The following KALRN variants were observed in gnomAD, a reference collection of about 807,000 sequenced individuals.
The protein encoded by KALRN is kalirin.
KALRN carries 70 observed loss-of-function variants against 353.7 expected under a neutral mutation model. The observed-to-expected ratio is 0.20, with a 90% CI of 0.16 to 0.24. The LOEUF is 0.24. Ranked by LOEUF, KALRN falls within the 10% of genes least tolerant of loss-of-function variation. The pLI, the probability that KALRN is intolerant of heterozygous loss-of-function variation, is 1.00. For missense variants in KALRN, 2,791 were observed against 3,756.7 expected (o/e 0.74, Z 6.72); for synonymous variants, 1,391 against 1,434.8 (o/e 0.97, Z 0.69).
At position 124,438,988 on chromosome 3, in the gene KALRN, T is replaced by A; in HGVS notation, c.3149T>A (p.Val1050Asp). The change falls in exon 18 of 60, where the codon GTC becomes GAC. Residue 1050 changes from valine to aspartate, a missense_variant. By Grantham distance (152) the Val-to-Asp change is radical (BLOSUM62 -3). Transcript: ENST00000682506. ...KLGPAAEIDH[V>D]IPLISKHLEQ... ...GGGCCAGCAGCAGAGATCGACCATG[T>A]CATTCCCCTCATCAGCAAACATTTG... 1 of 1,614,088 alleles carries A rather than the reference T, an allele frequency of 6.2e-7. No homozygotes were observed.
intron 33 of KALRN, among the ~76,000 whole-genome samples, chr3:124,558,212 G>T (rs1388983275): frequency 6.6e-6 from 1 of 152,040 alleles, no homozygotes; most frequent in Non-Finnish European, 1.5e-5. Flanking sequence ...CATCAAAATT[G>T]ATGTTTAAAA....
intron 33 of KALRN, among the ~76,000 whole-genome samples, chr3:124,514,562 A>G (rs987793834): frequency 6.6e-6 from 1 of 152,178 alleles, no homozygotes; most frequent in Non-Finnish European, 1.5e-5. Context: ...TCCCACAACA[A>G]TTCTTCAAGG....
At position 124,642,806 on chromosome 3, in the gene KALRN, G is replaced by GTTTTTTTGTTGTTGTTGTTTTTTTT. The variant is rs1553707032; in HGVS notation, c.5664+5510_5664+5511insGTTGTTGTTGTTTTTTTTTTTTTTT. Among the ~76,000 whole-genome samples, 964 of 96,690 alleles carry GTTTTTTTGTTGTTGTTGTTTTTTTT rather than the reference G, an allele frequency of 1.0e-2. 57 individuals are homozygous for GTTTTTTTGTTGTTGTTGTTTTTTTT. The highest frequency in any genetic ancestry group is 0.015 in the Admixed American group (119 of 7,908). 63.4% of individuals were successfully genotyped at this position (96,690 alleles called of 152,430 possible). A position where few individuals can be genotyped will look rare whatever the true frequency, so the allele number is the denominator to read the frequency against. ...TCTGTGGAAGAGATTCCCAAGCCTC[G>GTTTTTTTGTTGTTGTTGTTTTTTTT]TTTTTTTTTTTTTTTTTTTTGAGAC... On this transcript the variant is annotated intron_variant, in intron 37 of 59. Transcript: ENST00000682506.
chr3:124,099,408 G>A (rs1210542432), intron 1 of KALRN: 2 of 152,126 alleles, frequency 1.3e-5, no homozygotes, highest in Non-Finnish European at 2.9e-5. Flanking sequence ...TTATAGGTGA[G>A]TAGTATTCCA....
chr3:124,477,208 A>G (rs2061509849), intron 26 of KALRN, 37 bp from the exon 27 acceptor site: 3 of 1,459,976 alleles, frequency 2.1e-6, no homozygotes, highest in Middle Eastern at 1.7e-4. Context: ...GGAACAACTA[A>G]TGAATGCTTA....
intron 1 of KALRN, among the ~76,000 whole-genome samples, chr3:124,226,097 A>G (rs2078468811): frequency 6.6e-6 from 1 of 152,222 alleles, no homozygotes; most frequent in Non-Finnish European, 1.5e-5. Flanking sequence ...CAGAAGCATC[A>G]TTGTTCACAA....
chr3:124,441,930 C>A lies in KALRN; in HGVS notation c.3199-15C>A. 1 of 1,534,052 alleles carries A rather than the reference C, an allele frequency of 6.5e-7. No homozygotes were observed. The highest frequency in any genetic ancestry group is 8.9e-7 in the Non-Finnish European group (1 of 1,125,874). On this transcript the variant is annotated splice_polypyrimidine_tract_variant and intron_variant, in intron 18 of 59. Transcript: ENST00000682506. ...ACCTGCTGGGACAGGGGCCTCACAG[C>A]TTTGTCTTTCGCAGGCCTGCACCCT...
At chr3:124,181,880 C>T (rs892269511) in intron 1 of KALRN, among the ~76,000 whole-genome samples, 2 of 152,086 alleles carry the variant, frequency 1.3e-5, no homozygotes, top group Non-Finnish European at 2.9e-5. Context: ...AGTGAGTATT[C>T]CCATGTGTTT....
intron 6 of KALRN, among the ~76,000 whole-genome samples, chr3:124,321,986 T>C (rs1405564980): frequency 6.6e-6 from 1 of 152,220 alleles, no homozygotes; most frequent in Non-Finnish European, 1.5e-5. Flanking sequence ...AGAAGATACA[T>C]ATCAAGCTAG....
At chr3:124,097,920 A>G (rs1478310342) in intron 1 of KALRN, among the ~76,000 whole-genome samples, 2 of 152,212 alleles carry the variant, frequency 1.3e-5, no homozygotes, top group African/African-American at 2.4e-5. Flanking sequence ...TTCTGTGCTT[A>G]TAGACGTTGA....
intron 33 of KALRN, among the ~76,000 whole-genome samples, chr3:124,545,551 C>T (rs887122603): frequency 4.6e-5 from 7 of 152,154 alleles, no homozygotes; most frequent in African/African-American, 1.7e-4. Context: ...CATGACTGTC[C>T]TAGAGCCCAG....
intron 33 of KALRN, among the ~76,000 whole-genome samples, chr3:124,547,252 G>A (rs2069797587): frequency 6.6e-6 from 1 of 152,178 alleles, no homozygotes; most frequent in South Asian, 2.1e-4. Flanking sequence ...CTCCTGCCTG[G>A]GCTTCTCAAA....
intron 5 of KALRN, among the ~76,000 whole-genome samples, chr3:124,279,482 A>G (rs1202417322): frequency 1.3e-5 from 2 of 152,168 alleles, no homozygotes; most frequent in Non-Finnish European, 2.9e-5. Flanking sequence ...TGCATGGGGA[A>G]TACAGCCCCA....
At chr3:124,457,921 CTTCAGTCAGATCATT>C (rs752748297) in intron 23 of KALRN, among the ~76,000 whole-genome samples, 61 of 152,272 alleles carry the variant, frequency 4.0e-4, no homozygotes, top group East Asian at 3.9e-4. Flanking sequence ...AGATCACACC[CTTCAGTCAGATCATT>C]TTCACTGACT....
At chr3:124,287,816 T>C (rs2076070926) in intron 5 of KALRN, among the ~76,000 whole-genome samples, 1 of 130,070 alleles carries the variant, frequency 7.7e-6, no homozygotes, top group African/African-American at 2.9e-5. Flanking sequence ...TATATATATA[T>C]ATATATATAT....
intron 33 of KALRN, among the ~76,000 whole-genome samples, chr3:124,561,935 T>A (rs1306326912): frequency 6.6e-6 from 1 of 152,148 alleles, no homozygotes; most frequent in African/African-American, 2.4e-5. Flanking sequence ...AGGGGGGAAG[T>A]GGGGCCAAAT....
At chr3:124,329,822 C>G (rs774724086) in intron 7 of KALRN, 39 bp from the exon 8 acceptor site, 1 of 1,600,216 alleles carries the variant, frequency 6.2e-7, no homozygotes, top group Admixed American at 1.7e-5. Context: ...TCCTCACCCC[C>G]AGTGCTCCCC....
chr3:124,225,502 A>G (rs2078378144), intron 1 of KALRN, among the ~76,000 whole-genome samples: 1 of 152,186 alleles, frequency 6.6e-6, no homozygotes, highest in Non-Finnish European at 1.5e-5. Flanking sequence ...TGGGAAGTAG[A>G]AGCCCTAGGA....
At chr3:124,220,221 G>T (rs574100937) in intron 1 of KALRN, among the ~76,000 whole-genome samples, 1 of 152,286 alleles carries the variant, frequency 6.6e-6, no homozygotes, top group African/African-American at 2.4e-5. Flanking sequence ...GGTATTACAG[G>T]TGTGAGCTAC....
Sources: gnomAD v4.1 joint callset for allele counts (sites outside exome capture counted in the v4.1 genomes callset) on GRCh38, gnomAD v4.1.1 for gene constraint, MANE v1.5 for transcripts, NCBI Gene and HGNC (gene_info 2026-07-23, HGNC 2026-07-21) for gene names.